ITIH5: variants seen among roughly 807,000 people sequenced by gnomAD.
The protein encoded by ITIH5 is inter-alpha-trypsin inhibitor heavy chain 5, also known as inter-alpha-trypsin inhibitor heavy chain H5.
In ITIH5, 65 loss-of-function variants were observed where a neutral mutation model predicts 77.5. The ratio of observed to expected loss-of-function variants is 0.84; its 90% CI spans 0.69 to 1.03. The LOEUF is 1.03. ITIH5 is among the 50% of genes least tolerant of loss of function. ITIH5 has a pLI of 0.00. For missense variants in ITIH5, 1,208 were observed against 1,213.1 expected (o/e 1.00, Z 0.06); for synonymous variants, 525 against 494.3 (o/e 1.06, Z -0.82).
intron 1 of ITIH5, among the ~76,000 whole-genome samples, chr10:7,664,918 A>G (rs948022820): frequency 4.6e-5 from 7 of 152,258 alleles, no homozygotes; most frequent in Non-Finnish European, 8.8e-5. Flanking sequence ...ATACAGAGAT[A>G]GAGGCTCACA....
chr10:7,573,748 ATTAT>A (rs1320999549), intron 10 of ITIH5, among the ~76,000 whole-genome samples: 3 of 151,998 alleles, frequency 2.0e-5, no homozygotes, highest in African/African-American at 7.2e-5. Flanking sequence ...TGTAGGATTA[ATTAT>A]TTAATTATTG....
At chr10:7,579,694 A>T in intron 9 of ITIH5, 61 bp downstream of exon 9, 1 of 1,537,274 alleles carries the variant, frequency 6.5e-7, no homozygotes, top group Non-Finnish European at 8.9e-7. Context: ...CTGAATTCCC[A>T]CCGCAGCCAC....
At chr10:7,580,706 C>A (rs1031356017) in intron 8 of ITIH5, among the ~76,000 whole-genome samples, 1 of 152,012 alleles carries the variant, frequency 6.6e-6, no homozygotes, top group Non-Finnish European at 1.5e-5. Flanking sequence ...GAGAAAGAGC[C>A]GCAGAGGGGA....
At chr10:7,638,498 G>T (rs1254971367) in intron 4 of ITIH5, among the ~76,000 whole-genome samples, 1 of 152,202 alleles carries the variant, frequency 6.6e-6, no homozygotes, top group Non-Finnish European at 1.5e-5. Context: ...ACTACTGGAT[G>T]TTATAAGACA....
chr10:7,586,649 G>A (rs949815805), intron 7 of ITIH5, among the ~76,000 whole-genome samples: 8 of 152,164 alleles, frequency 5.3e-5, no homozygotes. Flanking sequence ...AGACAAAGGT[G>A]AGGCAGGTGA....
At chr10:7,577,947 G>A (rs1832459215) in intron 9 of ITIH5, among the ~76,000 whole-genome samples, 1 of 152,192 alleles carries the variant, frequency 6.6e-6, no homozygotes, top group Non-Finnish European at 1.5e-5. Flanking sequence ...CTCCATCGAG[G>A]CCACAAATGG....
At chr10:7,595,308 G>A (rs1348712138) in intron 7 of ITIH5, among the ~76,000 whole-genome samples, 14 of 150,986 alleles carry the variant, frequency 9.3e-5, no homozygotes, top group African/African-American at 7.3e-5. Context: ...TTTGAAAATC[G>A]CGCCCAGATA....
chr10:7,659,713 T>C (rs1454395094), intron 1 of ITIH5, among the ~76,000 whole-genome samples: 1 of 152,208 alleles, frequency 6.6e-6, no homozygotes, highest in Admixed American at 6.5e-5. Context: ...TGGTTTTTCA[T>C]TTTTGAGATG....
At chr10:7,614,330 C>T (rs1833320167) in intron 7 of ITIH5, among the ~76,000 whole-genome samples, 2 of 152,182 alleles carry the variant, frequency 1.3e-5, no homozygotes, top group Admixed American at 1.3e-4. Context: ...TTATTTTCCC[C>T]CTACATTAGT....
intron 4 of ITIH5, among the ~76,000 whole-genome samples, chr10:7,640,027 A>T (rs1833857360): frequency 6.6e-6 from 1 of 151,372 alleles, no homozygotes; most frequent in Non-Finnish European, 1.5e-5. Context: ...AAGTAGGAGT[A>T]TTGTTAATTT....
Position 7,562,899 on chromosome 10 carries a change from TCCCGCCCCTA to T in ITIH5, c.*174_*183del, listed in dbSNP as rs902022110. The stretch of plus-strand genomic sequence containing the variant: ...GGGAAATGACATTTGCACTCAGGCT[TCCCGCCCCTA>T]CCCACCCCTACCCTTCGCCCAGACA... On this transcript the variant is annotated 3_prime_UTR_variant, in exon 14 of 14. Transcript: ENST00000397146. 1 of 619,790 alleles carries T rather than the reference TCCCGCCCCTA, an allele frequency of 1.6e-6. No homozygotes were observed. Among genetic ancestry groups the T allele is most frequent in the African/African-American group, 1.8e-5 (1 of 54,122 alleles). The allele number at this position is 619,790 out of a possible 1,614,324, so 38.4% of individuals were successfully genotyped here. A position where few individuals can be genotyped will look rare whatever the true frequency, so the allele number is the denominator to read the frequency against.
intron 1 of ITIH5, among the ~76,000 whole-genome samples, chr10:7,664,732 A>G (rs186428276): frequency 7.7e-4 from 118 of 152,380 alleles, no homozygotes; most frequent in African/African-American, 2.7e-3. Context: ...ATTCAGCTAT[A>G]TTAAAATTTG....
chr10:7,579,724 C>G, intron 9 of ITIH5, 31 bp downstream of exon 9: 1 of 1,601,446 alleles, frequency 6.2e-7, no homozygotes, highest in Non-Finnish European at 8.5e-7. Context: ...CCTCAAACAG[C>G]CTCTCATGCC....
intron 9 of ITIH5, chr10:7,578,162 T>A (rs138876553): frequency 6.4e-5 from 10 of 156,094 alleles, no homozygotes; most frequent in African/African-American, 2.4e-4. Context: ...GGAGCTTGGG[T>A]CCCTGAATGA....
intron 2 of ITIH5, among the ~76,000 whole-genome samples, chr10:7,645,345 G>A (rs775665961): frequency 5.3e-5 from 8 of 152,172 alleles, no homozygotes; most frequent in Non-Finnish European, 8.8e-5. Flanking sequence ...TCAAAGTAGC[G>A]CTTCTCAAAG....
chr10:7,642,561 G>T (rs1185224865), intron 2 of ITIH5, among the ~76,000 whole-genome samples: 2 of 152,080 alleles, frequency 1.3e-5, no homozygotes, highest in Admixed American at 6.5e-5. Flanking sequence ...TTAGAGAAAC[G>T]ATACACCAGA....
At chr10:7,628,971 G>T (rs1833649004) in intron 5 of ITIH5, among the ~76,000 whole-genome samples, 2 of 130,868 alleles carry the variant, frequency 1.5e-5, no homozygotes, top group South Asian at 2.8e-4. Flanking sequence ...CCGTGTTGTA[G>T]CATGTGTCCG....
intron 7 of ITIH5, among the ~76,000 whole-genome samples, chr10:7,610,060 T>C (rs993578313): frequency 5.9e-4 from 77 of 129,792 alleles, no homozygotes; most frequent in Non-Finnish European, 9.4e-4. Context: ...TTTCTTTTTT[T>C]TCTTTTTTCT....
chr10:7,659,304 G>C (rs541370130), intron 1 of ITIH5, among the ~76,000 whole-genome samples: 1 of 151,998 alleles, frequency 6.6e-6, no homozygotes, highest in African/African-American at 2.4e-5. Context: ...TCTTGAACCC[G>C]GGAGGTGGAG....
Sources: allele counts gnomAD v4.1 joint callset (sites outside exome capture counted in the v4.1 genomes callset), GRCh38; gene constraint gnomAD v4.1.1; transcripts MANE v1.5; gene names NCBI Gene and HGNC (gene_info 2026-07-23, HGNC 2026-07-21).